USP5: variants seen among roughly 807,000 people sequenced by gnomAD.
The protein encoded by USP5 is ubiquitin carboxyl-terminal hydrolase 5.
Under a neutral mutation model 102.5 loss-of-function variants are expected in USP5, and 24 were observed. That is an observed-to-expected ratio of 0.23 (90% CI 0.17 to 0.33). USP5 has a LOEUF of 0.33. Ranked by LOEUF, USP5 falls within the 10% of genes least tolerant of loss-of-function variation. The pLI is 1.00. For synonymous variants in USP5, 460 were observed against 434.8 expected, an observed-to-expected ratio of 1.06 and a Z score of -0.72; for missense variants, 753 against 1,122.1, an observed-to-expected ratio of 0.67 and a Z score of 4.70.
rs782724492 is a variant in USP5, at chr12:6,863,251, G to A, written c.1828G>A (p.Gly610Arg). 2.6e-5 allele frequency: 42 copies of A among 1,614,046 alleles called. 1 individual carries two copies. The South Asian group carries it at 3.3e-4, about 13-fold the overall frequency. Residue 610 changes from glycine (G) to arginine (R), a missense_variant, in exon 15 of 20, where the codon GGA becomes AGA. By Grantham distance (125) the Gly-to-Arg change is moderately radical. Coordinates refer to ENST00000229268, the MANE Select transcript of USP5 (RefSeq NM_001098536.2). This position sits in a 1 kb window ranked among gnomAD's most constrained non-coding sequence, Gnocchi z 4.7. ...GTTGAGGGGCACAGGGCTGCAGCCCGGAGAGGAGGAGCTGCCAGACATTGC... is the reference window on the plus strand; with the variant it reads ...GTTGAGGGGCACAGGGCTGCAGCCCAGAGAGGAGGAGCTGCCAGACATTGC... ...SQLRGTGLQP[G>R]EEELPDIAPP...
At chr12:6,862,130 C>T (rs1324775739) in intron 13 of USP5, among the ~76,000 whole-genome samples, 1 of 150,018 alleles carries the variant, frequency 6.7e-6, no homozygotes, top group East Asian at 1.9e-4. Context: ...TTTTTCCCTA[C>T]GTGTGGGTCT....
intron 1 of USP5, among the ~76,000 whole-genome samples, chr12:6,852,836 G>T (rs980164775): frequency 1.2e-4 from 18 of 152,326 alleles, no homozygotes; most frequent in African/African-American, 4.3e-4. Context: ...GACAGGGGGC[G>T]GGGAGGGGAG....
chr12:6,858,127 A>C lies in USP5; in HGVS notation c.865-297A>C, dbSNP rs1361581422. ...CATTTCCCTGAGGAAGCGATGCTTA[A>C]CTGACAATGTGAAGGAGGTTAGGGG... On this transcript the variant is annotated intron_variant, in intron 7 of 19. Coordinates refer to ENST00000229268, the MANE Select transcript of USP5 (RefSeq NM_001098536.2). This position sits in a 1 kb window ranked among gnomAD's most constrained non-coding sequence, Gnocchi z 4.2. Among the ~76,000 whole-genome samples the C allele has an allele frequency of 6.6e-6, 1 of 152,226 alleles. No homozygotes were observed. Among genetic ancestry groups the C allele is most frequent in the Non-Finnish European group, 1.5e-5 (1 of 68,032 alleles).
In USP5 at chr12:6,864,043, T is replaced by C; in HGVS notation, c.2099-7T>C. 6.3e-7 allele frequency: 1 copy of C among 1,599,700 alleles called. No individual in the cohort carries two copies. The stretch of plus-strand genomic sequence containing the variant: ...CCCCAAACACATCAACCCCTTCACA[T>C]CCACAGATTTTGCAAACCCCCTCAT... On this transcript the variant is annotated splice_region_variant and splice_polypyrimidine_tract_variant and intron_variant, in intron 16 of 19. Coordinates refer to ENST00000229268, the MANE Select transcript of USP5 (RefSeq NM_001098536.2). The surrounding 1 kb of genome is among the most constrained non-coding windows in gnomAD (Gnocchi z 4.8).
chr12:6,858,883 C>G lies in USP5; in HGVS notation c.1058+266C>G, dbSNP rs1226257483. On this transcript the variant is annotated intron_variant, in intron 8 of 19. Transcript: ENST00000229268. This position sits in a 1 kb window ranked among gnomAD's most constrained non-coding sequence, Gnocchi z 4.2. ...AAAAAAAAAAAAGAATAATTCCTGT[C>G]ACACTCTGGCTGACATGCTGTGAGG... 1 of 320,816 alleles carries G rather than the reference C, an allele frequency of 3.1e-6. No homozygotes were observed. The highest frequency in any genetic ancestry group is 6.0e-6 in the Non-Finnish European group (1 of 167,670). 19.9% of individuals were successfully genotyped at this position (320,816 alleles called of 1,614,324 possible).
At chr12:6,862,439 TC>T in intron 13 of USP5, 30 bp from the exon 14 acceptor site, 1 of 1,598,822 alleles carries the variant, frequency 6.3e-7, no homozygotes, top group Non-Finnish European at 8.6e-7. Flanking sequence ...CTGGGGATTG[TC>T]TGGGTACCAG....
rs945617325 is a variant in USP5, at chr12:6,861,647, T to G, written c.1673+30T>G. 1 of 1,509,156 alleles carries G rather than the reference T, an allele frequency of 6.6e-7. No individual in the cohort carries two copies. Among genetic ancestry groups the G allele is most frequent in the Admixed American group, 2.1e-5 (1 of 48,522 alleles). The allele number at this position is 1,509,156 out of a possible 1,614,324, so 93.5% of individuals were successfully genotyped here. ...GTCCTCTGGTCGGGGCCTGAGGCTG[T>G]GGGTCTATGGCAGAGCTATCCCAGA... On this transcript the variant is annotated intron_variant, in intron 13 of 19. Transcript: ENST00000229268. The surrounding 1 kb of genome is among the most constrained non-coding windows in gnomAD (Gnocchi z 4.9).
At chr12:6,853,145 T>C (rs1281130955) in intron 1 of USP5, among the ~76,000 whole-genome samples, 2 of 152,120 alleles carry the variant, frequency 1.3e-5, no homozygotes, top group Non-Finnish European at 1.5e-5. Flanking sequence ...CGGAGGCCCT[T>C]TGGGGCCTGA....
At chr12:6,853,653 G>A (rs1486098142) in intron 1 of USP5, among the ~76,000 whole-genome samples, 2 of 152,112 alleles carry the variant, frequency 1.3e-5, no homozygotes, top group Non-Finnish European at 2.9e-5. Context: ...TAACTGCTTT[G>A]AATAATCCAA....
At chr12:6,859,089 AG>A (rs1164448512) in intron 8 of USP5, among the ~76,000 whole-genome samples, 2 of 152,040 alleles carry the variant, frequency 1.3e-5, no homozygotes, top group African/African-American at 4.8e-5. Flanking sequence ...CTTGGGGAGG[AG>A]GGGGGCTTGG....
In USP5 at chr12:6,866,185, TTG is replaced by T; in HGVS notation, c.*110_*111del. ...CCTCTGCTCTGTACCCTTTTTCCTT[TTG>T]TCCCCGGCAGCAGGGAAGAAGCTGG... On this transcript the variant is annotated 3_prime_UTR_variant, in exon 20 of 20. Transcript: ENST00000229268. The surrounding 1 kb of genome is among the most constrained non-coding windows in gnomAD (Gnocchi z 4.7). 1 of 1,048,852 alleles carries T rather than the reference TTG, an allele frequency of 9.5e-7. No individual in the cohort carries two copies. The highest frequency in any genetic ancestry group is 2.5e-5 in the East Asian group (1 of 40,098). 65.0% of individuals were successfully genotyped at this position (1,048,852 alleles called of 1,614,324 possible).
chr12:6,860,568 T>A lies in USP5; in HGVS notation c.1344+77T>A. ...TCCTTCCTGCCCATTTCTCCCTCTATCAGCCCCAACCCAGTCCCATCCCTG... is the reference window on the plus strand; with the variant it reads ...TCCTTCCTGCCCATTTCTCCCTCTAACAGCCCCAACCCAGTCCCATCCCTG... On this transcript the variant is annotated intron_variant, in intron 11 of 19. Coordinates refer to ENST00000229268, the MANE Select transcript of USP5 (RefSeq NM_001098536.2). This position sits in a 1 kb window ranked among gnomAD's most constrained non-coding sequence, Gnocchi z 5.5. 6.3e-7 allele frequency: 1 copy of A among 1,593,696 alleles called. No individual in the cohort carries two copies. Among genetic ancestry groups the A allele is most frequent in the Non-Finnish European group, 8.5e-7 (1 of 1,174,452 alleles).
In USP5 at chr12:6,856,770, C is replaced by T; in HGVS notation, c.648C>T (p.Ser216=). ...TGTGGCTCAACCTGACTGATGGCTCCATCCTCTGTGGGCGACGCTACTTCG... is the reference window on the plus strand; with the variant it reads ...TGTGGCTCAACCTGACTGATGGCTCTATCCTCTGTGGGCGACGCTACTTCG... ...ENLWLNLTDG[S]ILCGRRYFDG... The change falls in exon 6 of 20, where the codon TCC becomes TCT. Residue 216 remains serine (S), a synonymous_variant. Coordinates refer to ENST00000229268, the MANE Select transcript of USP5 (RefSeq NM_001098536.2). The surrounding 1 kb of genome is among the most constrained non-coding windows in gnomAD (Gnocchi z 5.6). 1 of 1,614,124 alleles carries T rather than the reference C, an allele frequency of 6.2e-7. No homozygotes were observed. The highest frequency in any genetic ancestry group is 1.7e-5 in the Admixed American group (1 of 60,028).
Position 6,855,478 on chromosome 12 carries a change from T to C in USP5, c.189T>C (p.Asn63=), listed in dbSNP as rs1555127924. 6 of 1,614,178 alleles carry C rather than the reference T, an allele frequency of 3.7e-6. No individual in the cohort carries two copies. Among genetic ancestry groups the C allele is most frequent in the Non-Finnish European group, 5.1e-6 (6 of 1,180,030 alleles). ...FGKQYVERHF[N]KTGQRVYLHL... ...AACAGTATGTGGAGAGACATTTCAA[T>C]AAGACCGGCCAGCGAGTCTACTTGC... Residue 63 remains asparagine (N), a synonymous_variant, in exon 2 of 20, where the codon AAT becomes AAC. Transcript: ENST00000229268. The surrounding 1 kb of genome is among the most constrained non-coding windows in gnomAD (Gnocchi z 4.6).
Position 6,864,319 on chromosome 12 carries a change from CT to C in USP5, c.2244+128del, listed in dbSNP as rs1263402324. The C allele has an allele frequency of 1.3e-5, 17 of 1,350,510 alleles. No homozygotes were observed. The East Asian group carries it at 4.3e-4, about 34-fold the overall frequency. The allele number at this position is 1,350,510 out of a possible 1,614,324, so 83.7% of individuals were successfully genotyped here. ...GGTCTGGCCGAGGTTGGGCACCACT[CT>C]TTTGTGGCTGCGATGAAGGAGCTGA... On this transcript the variant is annotated intron_variant, in intron 17 of 19. Transcript: ENST00000229268. This position sits in a 1 kb window ranked among gnomAD's most constrained non-coding sequence, Gnocchi z 4.8.
rs782457134 is a variant in USP5 at position 6,856,980 on chromosome 12, A to G, written c.769+89A>G. ...TGTGACATGTATAATACATGAATGC[A>G]TTATCTTGATAAGAAAGGAAAGTAG... On this transcript the variant is annotated intron_variant, in intron 6 of 19. Transcript: ENST00000229268. This position sits in a 1 kb window ranked among gnomAD's most constrained non-coding sequence, Gnocchi z 5.6. 6.8e-7 allele frequency: 1 copy of G among 1,463,470 alleles called. No individual in the cohort carries two copies. Among genetic ancestry groups the G allele is most frequent in the Non-Finnish European group, 9.2e-7 (1 of 1,092,096 alleles). The allele number at this position is 1,463,470 out of a possible 1,614,324, so 90.7% of individuals were successfully genotyped here.
chr12:6,855,313 A>C lies in USP5; in HGVS notation c.112-88A>C. Reference sequence around the variant, plus strand: ...GAACAGAACATTTCTTCTGGAACCCAGCAGTTTCTGACTCCAGGTTTTGGT... The same window carrying C: ...GAACAGAACATTTCTTCTGGAACCCCGCAGTTTCTGACTCCAGGTTTTGGT... On this transcript the variant is annotated intron_variant, in intron 1 of 19. Coordinates refer to ENST00000229268, the MANE Select transcript of USP5 (RefSeq NM_001098536.2). The surrounding 1 kb of genome is among the most constrained non-coding windows in gnomAD (Gnocchi z 4.6). 6.5e-7 allele frequency: 1 copy of C among 1,548,546 alleles called. No homozygotes were observed. The highest frequency in any genetic ancestry group is 8.8e-7 in the Non-Finnish European group (1 of 1,139,914).
Position 6,858,750 on chromosome 12 carries a change from G to A in USP5, c.1058+133G>A. 1.2e-6 allele frequency: 1 copy of A among 829,862 alleles called. No homozygotes were observed. The highest frequency in any genetic ancestry group is 1.8e-6 in the Non-Finnish European group (1 of 549,326). 51.4% of individuals were successfully genotyped at this position (829,862 alleles called of 1,614,324 possible). On this transcript the variant is annotated intron_variant, in intron 8 of 19. Coordinates refer to ENST00000229268, the MANE Select transcript of USP5 (RefSeq NM_001098536.2). This position sits in a 1 kb window ranked among gnomAD's most constrained non-coding sequence, Gnocchi z 4.2. ...GTAGTTCCTATCGGCTGGGTGTGTT[G>A]GCCCACACCCGTAATCCCAGTACTT...
rs1944066603 is a variant in USP5 at position 6,855,056 on chromosome 12, G to A, written c.112-345G>A. On this transcript the variant is annotated intron_variant, in intron 1 of 19. Transcript: ENST00000229268. The surrounding 1 kb of genome is among the most constrained non-coding windows in gnomAD (Gnocchi z 4.6). ...GATCTGTTAGCCCCAGGATAGAGGT[G>A]AAGGAAGTCCTCTGTGATTGATTAA... 6.6e-6 allele frequency among the ~76,000 whole-genome samples: 1 copy of A among 152,144 alleles called. No individual in the cohort carries two copies. Among genetic ancestry groups the A allele is most frequent in the African/African-American group, 2.4e-5 (1 of 41,432 alleles).
Sources: allele counts gnomAD v4.1 joint callset (sites outside exome capture counted in the v4.1 genomes callset), GRCh38; gene constraint gnomAD v4.1.1; non-coding constraint Gnocchi (gnomAD v3.1); transcripts MANE v1.5; gene names NCBI Gene and HGNC (gene_info 2026-07-23, HGNC 2026-07-21).